The following PRKN variants were observed in gnomAD, a reference collection of about 807,000 sequenced individuals.
PRKN encodes parkin RBR E3 ubiquitin protein ligase, also known as E3 ubiquitin-protein ligase parkin.
Under a neutral mutation model 59.5 loss-of-function variants are expected in PRKN, and 56 were observed. That is an observed-to-expected ratio of 0.94 (90% confidence interval 0.76 to 1.18). PRKN has a LOEUF of 1.18. Among genes scored for constraint, PRKN ranks in the 50% most tolerant of loss-of-function variants. The pLI, the probability that PRKN is intolerant of heterozygous loss-of-function variation, is 0.00. For missense variants in PRKN, 657 were observed against 596.4 expected, an observed-to-expected ratio of 1.10 and a Z score of -1.06; for synonymous variants, 250 against 222.1, an observed-to-expected ratio of 1.13 and a Z score of -1.12.
At position 161,773,361 on chromosome 6, in the gene PRKN, G is replaced by T. The variant is rs572152672; in HGVS notation, c.871+12411C>A. On this transcript the variant is annotated intron_variant, in intron 7 of 11. Coordinates refer to ENST00000366898, the MANE Select transcript of PRKN (RefSeq NM_004562.3). ...AGGTGCCCACTCTGATGACAATGCA[G>T]AATGCATACATTCAAAAATTGTGCC... Among the ~76,000 whole-genome samples the T allele has an allele frequency of 7.2e-5, 11 of 152,308 alleles. No individual in the cohort carries two copies. The South Asian group carries it at 2.3e-3, about 32-fold the overall frequency.
chr6:162,090,977 A>C (rs996617465), intron 4 of PRKN, among the ~76,000 whole-genome samples: 1 of 152,218 alleles, frequency 6.6e-6, no homozygotes, highest in East Asian at 1.9e-4. Flanking sequence ...GTATAATACA[A>C]GATTCTTAAT....
At chr6:162,356,947 A>G (rs1784895971) in intron 2 of PRKN, among the ~76,000 whole-genome samples, 1 of 152,106 alleles carries the variant, frequency 6.6e-6, no homozygotes. Flanking sequence ...AAATCATTAC[A>G]GTTTACATCC....
rs934802877 is a variant in PRKN, at chr6:161,549,764, A to T, written c.934-761T>A. Among the ~76,000 whole-genome samples the T allele has an allele frequency of 2.0e-5, 3 of 152,240 alleles. No homozygotes were observed. Among genetic ancestry groups the T allele is most frequent in the Admixed American group, 2.0e-4 (3 of 15,282 alleles). On this transcript the variant is annotated intron_variant, in intron 8 of 11. Coordinates refer to ENST00000366898, the MANE Select transcript of PRKN (RefSeq NM_004562.3). This position sits in a 1 kb window ranked among gnomAD's most constrained non-coding sequence, Gnocchi z 6.0. ...TGTAATATAAACTCAGATCAAGTCA[A>T]ATAGGTTTGCTCAATTATTAATTAA...
rs1562356059 is a variant in PRKN at position 161,874,782 on chromosome 6, G to GTACTATATATAAAATA, written c.735-88875_735-88874insTATTTTATATATAGTA. On this transcript the variant is annotated intron_variant, in intron 6 of 11. Coordinates refer to ENST00000366898, the MANE Select transcript of PRKN (RefSeq NM_004562.3). Reference sequence around the variant, plus strand: ...ATATAAAATATATAATATATAAAATGTATAATAAATAAAATGTATAAGATA... The same window carrying GTACTATATATAAAATA: ...ATATAAAATATATAATATATAAAATGTACTATATATAAAATATATAATAAATAAAATGTATAAGATA... Among the ~76,000 whole-genome samples the GTACTATATATAAAATA allele has an allele frequency of 1.1e-3, 103 of 90,076 alleles. 1 individual carries two copies. Among genetic ancestry groups the GTACTATATATAAAATA allele is most frequent in the South Asian group, 6.4e-3 (17 of 2,670 alleles). The allele number at this position is 90,076 out of a possible 152,430, so 59.1% of individuals were successfully genotyped here.
chr6:161,761,547 T>C (rs1346084726), intron 7 of PRKN, among the ~76,000 whole-genome samples: 1 of 152,110 alleles, frequency 6.6e-6, no homozygotes, highest in Non-Finnish European at 1.5e-5. Flanking sequence ...ACCCAAGAAA[T>C]AGATTAAAGA....
chr6:161,383,309 C>A (rs1786078610), intron 10 of PRKN, among the ~76,000 whole-genome samples: 1 of 152,194 alleles, frequency 6.6e-6, no homozygotes, highest in African/African-American at 2.4e-5. Context: ...TTCGTGCCTT[C>A]CCACATCCAA....
Position 161,400,688 on chromosome 6 carries a change from C to T in PRKN, c.1084-13811G>A, listed in dbSNP as rs1272887920. ...GAATAAAGGATGCTGTGTTTATTTT[C>T]AGCCTTTGGACGACCCATATGAGTT... On this transcript the variant is annotated intron_variant, in intron 9 of 11. Coordinates refer to ENST00000366898, the MANE Select transcript of PRKN (RefSeq NM_004562.3). This position sits in a 1 kb window ranked among gnomAD's most constrained non-coding sequence, Gnocchi z 4.2. Among the ~76,000 whole-genome samples the T allele has an allele frequency of 6.6e-6, 1 of 151,524 alleles. No individual in the cohort carries two copies. The highest frequency in any genetic ancestry group is 1.5e-5 in the Non-Finnish European group (1 of 67,924).
At chr6:161,541,676 C>G (rs1779619878) in intron 9 of PRKN, among the ~76,000 whole-genome samples, 2 of 152,180 alleles carry the variant, frequency 1.3e-5, no homozygotes, top group South Asian at 2.1e-4. Flanking sequence ...CAAAAATTAG[C>G]TGGGCGTAGT....
chr6:161,879,433 C>A (rs536394732), intron 6 of PRKN, among the ~76,000 whole-genome samples: 2 of 151,102 alleles, frequency 1.3e-5, no homozygotes, highest in South Asian at 4.2e-4. Flanking sequence ...CTGCAACCTC[C>A]GCCTTCCAGG....
At chr6:162,550,513 C>A (rs1441539902) in intron 1 of PRKN, among the ~76,000 whole-genome samples, 2 of 152,100 alleles carry the variant, frequency 1.3e-5, no homozygotes, top group Non-Finnish European at 1.5e-5. Flanking sequence ...GTAAACACCC[C>A]CATCCTTGTC....
At chr6:162,121,052 T>C (rs9355980) in intron 4 of PRKN, among the ~76,000 whole-genome samples, 32,565 of 152,128 alleles carry the variant, frequency 0.21, 3,832 homozygotes, top group Non-Finnish European at 0.26. Context: ...AATTAATTCA[T>C]AGCAACTTTC....
chr6:162,505,238 G>A (rs532658755), intron 1 of PRKN, among the ~76,000 whole-genome samples: 1 of 149,804 alleles, frequency 6.7e-6, no homozygotes, highest in South Asian at 2.1e-4. Context: ...ACACGTACAA[G>A]GATTTTTAAT....
chr6:161,364,182 A>G (rs908029406), intron 10 of PRKN, among the ~76,000 whole-genome samples: 12 of 149,318 alleles, frequency 8.0e-5, no homozygotes, highest in Admixed American at 1.3e-4. Context: ...AAAAAAAAAA[A>G]AAAAAGAAAA....
intron 7 of PRKN, among the ~76,000 whole-genome samples, chr6:161,589,581 A>G (rs2128140402): frequency 6.6e-6 from 1 of 152,226 alleles, no homozygotes; most frequent in African/African-American, 2.4e-5. Flanking sequence ...AGAAAGAGGA[A>G]AATACATGTA....
chr6:162,626,513 C>G (rs1422764034), intron 1 of PRKN, among the ~76,000 whole-genome samples: 1 of 152,184 alleles, frequency 6.6e-6, no homozygotes, highest in African/African-American at 2.4e-5. Flanking sequence ...TTTAAAAAAA[C>G]TATCTGGATA....
At chr6:161,638,179 C>G (rs1783598846) in intron 7 of PRKN, among the ~76,000 whole-genome samples, 1 of 151,962 alleles carries the variant, frequency 6.6e-6, no homozygotes, top group Non-Finnish European at 1.5e-5. Flanking sequence ...TTTGCCCAGG[C>G]TGGAGTGCAG....
At chr6:161,531,048 T>C (rs912870937) in intron 9 of PRKN, among the ~76,000 whole-genome samples, 5 of 152,172 alleles carry the variant, frequency 3.3e-5, no homozygotes, top group Admixed American at 3.3e-4. Context: ...TTTACCTGAA[T>C]GCAAGTTCCG....
At chr6:161,799,999 C>A (rs897299192) in intron 6 of PRKN, among the ~76,000 whole-genome samples, 1 of 152,110 alleles carries the variant, frequency 6.6e-6, no homozygotes, top group Non-Finnish European at 1.5e-5. Flanking sequence ...ATGAAGGAAG[C>A]CACATGGGGC....
intron 7 of PRKN, among the ~76,000 whole-genome samples, chr6:161,742,648 C>T (rs982927285): frequency 6.6e-6 from 1 of 152,170 alleles, no homozygotes; most frequent in Non-Finnish European, 1.5e-5. Flanking sequence ...ACAGTTATTG[C>T]CTTGCTCATC....
Sources: gnomAD v4.1 joint callset for allele counts (sites outside exome capture counted in the v4.1 genomes callset) on GRCh38, gnomAD v4.1.1 for gene constraint, Gnocchi (gnomAD v3.1) non-coding constraint, MANE v1.5 for transcripts, NCBI Gene and HGNC (gene_info 2026-07-23, HGNC 2026-07-21) for gene names.